The following ACSF3 variants were observed in gnomAD, a reference collection of about 807,000 sequenced individuals.
The protein encoded by ACSF3 is malonate--CoA ligase ACSF3, mitochondrial.
ACSF3 carries 78 observed loss-of-function variants against 53.2 expected under a neutral mutation model. The observed-to-expected ratio is 1.47, with a 90% CI of 1.22 to 1.77. The LOEUF is 1.77. Ranked by LOEUF, ACSF3 falls within the 40% of genes most tolerant of loss-of-function variation. The probability of loss-of-function intolerance (pLI) is 0.00; values close to 1 mark genes in which losing one functional copy is unlikely to be tolerated. For synonymous variants in ACSF3, 414 were observed against 333.1 expected, an observed-to-expected ratio of 1.24 and a Z score of -2.65; for missense variants, 937 against 771.1, an observed-to-expected ratio of 1.22 and a Z score of -2.55.
At chr16:89,127,057 A>G (rs972261923) in intron 7 of ACSF3, among the ~76,000 whole-genome samples, 1 of 152,206 alleles carries the variant, frequency 6.6e-6, no homozygotes, top group African/African-American at 2.4e-5. Flanking sequence ...TTTCATTCCC[A>G]GGACAAACCC....
chr16:89,140,018 C>T (rs530360953), intron 8 of ACSF3, among the ~76,000 whole-genome samples: 7 of 152,326 alleles, frequency 4.6e-5, no homozygotes, highest in Non-Finnish European at 8.8e-5. Context: ...GAGCCCAGGT[C>T]AGGGAGTTGG....
chr16:89,133,330 G>T lies in ACSF3; in HGVS notation c.1366+68G>T, dbSNP rs1909728134. 7.5e-6 allele frequency: 12 copies of T among 1,600,706 alleles called. 1 individual carries two copies. In the South Asian group the frequency reaches 1.2e-4, roughly 16 times the overall value. On this transcript the variant is annotated intron_variant, in intron 8 of 10. Coordinates refer to ENST00000614302, the MANE Select transcript of ACSF3 (RefSeq NM_001243279.3). ...CAGGCAGGAACTCATTGCTGCCCAC[G>T]TTGAGTGACACCGAGGCTGGGAGTT...
At chr16:89,095,748 C>T (rs549807227) in intron 1 of ACSF3, among the ~76,000 whole-genome samples, 2 of 152,338 alleles carry the variant, frequency 1.3e-5, no homozygotes, top group South Asian at 2.1e-4. Flanking sequence ...CTGAGCACGG[C>T]GCGGCCGTTT....
intron 6 of ACSF3, 83 bp downstream of exon 6, chr16:89,114,570 T>G: frequency 6.3e-7 from 1 of 1,585,716 alleles, no homozygotes; most frequent in Admixed American, 1.7e-5. Flanking sequence ...CCACCCACAT[T>G]CGGACTGAAG....
chr16:89,108,097 C>A (rs1201635684), intron 4 of ACSF3, among the ~76,000 whole-genome samples: 3 of 152,162 alleles, frequency 2.0e-5, no homozygotes, highest in African/African-American at 7.2e-5. Context: ...GACTTATTCA[C>A]TATCATGAGA....
chr16:89,100,223 C>G (rs1208598625), intron 2 of ACSF3, among the ~76,000 whole-genome samples: 4 of 152,256 alleles, frequency 2.6e-5, no homozygotes, highest in Non-Finnish European at 4.4e-5. Context: ...GCCGTGTCTG[C>G]CCCGGGGGCG....
At chr16:89,131,127 CTTTTTTTT>C (rs558773398) in intron 7 of ACSF3, among the ~76,000 whole-genome samples, 15 of 69,548 alleles carry the variant, frequency 2.2e-4, no homozygotes, top group Admixed American at 4.0e-4. Context: ...TTTTCTTTTT[CTTTTTTTT>C]TTTTTTTTTT....
intron 7 of ACSF3, among the ~76,000 whole-genome samples, 195 bp from the exon 8 acceptor site, chr16:89,132,941 A>C (rs1373044833): frequency 6.6e-6 from 1 of 152,252 alleles, no homozygotes; most frequent in Non-Finnish European, 1.5e-5. Context: ...GACGGCGGGA[A>C]TGCTTAGCTC....
intron 7 of ACSF3, among the ~76,000 whole-genome samples, chr16:89,132,909 C>T (rs1161225685): frequency 6.6e-6 from 1 of 152,258 alleles, no homozygotes; most frequent in African/African-American, 2.4e-5. Flanking sequence ...AGCTCCCGGC[C>T]AGGGCACCAG....
intron 4 of ACSF3, among the ~76,000 whole-genome samples, chr16:89,105,576 G>T (rs1404321090): frequency 4.6e-5 from 7 of 152,180 alleles, no homozygotes; most frequent in Admixed American, 1.3e-4. Flanking sequence ...GGTCAGCTCT[G>T]TCCAGGGTGT....
intron 5 of ACSF3, chr16:89,113,819 G>A: frequency 4.1e-6 from 1 of 246,216 alleles, no homozygotes; most frequent in Non-Finnish European, 8.2e-6. Flanking sequence ...GTGGTTCTGA[G>A]CCCCTTGGGT....
chr16:89,137,889 C>T (rs932228119), intron 8 of ACSF3, among the ~76,000 whole-genome samples: 1 of 152,178 alleles, frequency 6.6e-6, no homozygotes, highest in Non-Finnish European at 1.5e-5. Flanking sequence ...CTGTCTGAGG[C>T]GTGTTGGGGT....
At chr16:89,131,213 A>G (rs1909257045) in intron 7 of ACSF3, among the ~76,000 whole-genome samples, 1 of 135,364 alleles carries the variant, frequency 7.4e-6, no homozygotes, top group Non-Finnish European at 1.5e-5. Flanking sequence ...GGTTCACTGC[A>G]ATCTCCACCT....
rs1360301092 is a variant in ACSF3, at chr16:89,155,879, A to G, written c.*1672A>G. ...AGTATATCATGCTTTCGAAATAATG[A>G]GTGTAACTTTCTGCTGACAATACTA... On this transcript the variant is annotated 3_prime_UTR_variant, in exon 11 of 11. Transcript: ENST00000614302. 2 of 410,160 alleles carry G rather than the reference A, an allele frequency of 4.9e-6. No individual in the cohort carries two copies. Among genetic ancestry groups the G allele is most frequent in the Non-Finnish European group, 9.7e-6 (2 of 206,394 alleles). The allele number at this position is 410,160 out of a possible 1,614,324, so 25.4% of individuals were successfully genotyped here. A position where few individuals can be genotyped will look rare whatever the true frequency, so the allele number is the denominator to read the frequency against.
At chr16:89,133,923 A>G (rs1048052187) in intron 8 of ACSF3, among the ~76,000 whole-genome samples, 1 of 152,094 alleles carries the variant, frequency 6.6e-6, no homozygotes, top group Non-Finnish European at 1.5e-5. Context: ...GGCAGCCCCC[A>G]CTGCCACCCT....
chr16:89,118,228 TC>T (rs1255117737), intron 6 of ACSF3, among the ~76,000 whole-genome samples: 1 of 151,524 alleles, frequency 6.6e-6, no homozygotes, highest in African/African-American at 2.4e-5. Flanking sequence ...TACGGCAGTT[TC>T]CCTGGGGCGC....
chr16:89,141,266 C>G (rs181550517), intron 8 of ACSF3: 1 of 1,287,156 alleles, frequency 7.8e-7, no homozygotes, highest in African/African-American at 1.5e-5. Flanking sequence ...GGCAAAGGCA[C>G]AGCAAGGCGG....
intron 7 of ACSF3, chr16:89,122,523 C>T (rs1485253159): frequency 8.7e-6 from 3 of 343,696 alleles, no homozygotes; most frequent in Non-Finnish European, 1.8e-5. Context: ...TGCAGTGCCC[C>T]TGCCCCCAAC....
At chr16:89,102,309 C>G in intron 3 of ACSF3, 1 of 460,958 alleles carries the variant, frequency 2.2e-6, no homozygotes, top group Non-Finnish European at 4.0e-6. Context: ...AGGGGCGGAG[C>G]TCTGTCGACC....
Sources: allele counts gnomAD v4.1 joint callset (sites outside exome capture counted in the v4.1 genomes callset), GRCh38; gene constraint gnomAD v4.1.1; transcripts MANE v1.5; gene names NCBI Gene and HGNC (gene_info 2026-07-23, HGNC 2026-07-21).